The following BBS2 variants were observed in gnomAD, a reference collection of about 807,000 sequenced individuals.
BBS2 encodes Bardet-Biedl syndrome 2, also known as BBSome complex member BBS2.
In BBS2, 62 loss-of-function variants were observed where a neutral mutation model predicts 83.0. That is an observed-to-expected ratio of 0.75 (90% CI 0.61 to 0.92). The LOEUF is 0.92. Ranked by LOEUF, BBS2 falls within the 40% of genes least tolerant of loss-of-function variation. The probability of loss-of-function intolerance (pLI) is 0.00; values close to 1 mark genes in which losing one functional copy is unlikely to be tolerated. For synonymous variants in BBS2, 303 were observed against 326.1 expected (o/e 0.93, Z 0.76); for missense variants, 784 against 901.0 (o/e 0.87, Z 1.66).
chr16:56,487,072 T>C (rs1226388833), intron 15 of BBS2, among the ~76,000 whole-genome samples: 2 of 152,070 alleles, frequency 1.3e-5, no homozygotes, highest in East Asian at 1.9e-4. Flanking sequence ...GATAGAAATA[T>C]CCTATATCTC....
intron 17 of BBS2, chr16:56,477,167 G>T (rs1189280601): frequency 6.6e-6 from 1 of 152,080 alleles, no homozygotes; most frequent in Non-Finnish European, 1.5e-5. Context: ...AGTGATTGCA[G>T]AATTTTGTTC....
intron 5 of BBS2, among the ~76,000 whole-genome samples, chr16:56,507,430 C>T (rs1038074048): frequency 1.3e-5 from 2 of 152,164 alleles, no homozygotes; most frequent in Non-Finnish European, 2.9e-5. Flanking sequence ...AATTCAGTCT[C>T]CTCAAATCTA....
chr16:56,519,473 G>A (rs570566638), intron 1 of BBS2: 4 of 465,250 alleles, frequency 8.6e-6, no homozygotes, highest in South Asian at 2.7e-5. Flanking sequence ...TCCCTCAGGA[G>A]ACGTCTCTTT....
intron 1 of BBS2, among the ~76,000 whole-genome samples, chr16:56,515,713 A>T (rs1342531285): frequency 2.0e-5 from 3 of 152,272 alleles, no homozygotes; most frequent in African/African-American, 7.2e-5. Flanking sequence ...AAAAGAATTG[A>T]CTAAAAACAT....
chr16:56,490,677 C>T (rs1197807339), intron 15 of BBS2, among the ~76,000 whole-genome samples: 1 of 151,938 alleles, frequency 6.6e-6, no homozygotes, highest in African/African-American at 2.4e-5. Flanking sequence ...AAATGACTTA[C>T]ATTTTCTTAA....
At chr16:56,499,958 T>C in intron 11 of BBS2, 51 bp from the exon 12 acceptor site, 1 of 1,610,504 alleles carries the variant, frequency 6.2e-7, no homozygotes, top group Non-Finnish European at 8.5e-7. Context: ...AGAATGTTCT[T>C]TCAAAATGCA....
chr16:56,519,314 G>C lies in BBS2; in HGVS notation c.117+432C>G, dbSNP rs189886922. ...CCACTGCACTCCAGCCTGGGCGACA[G>C]GGCAAGACTCCGTCTCAAAAAAAAA... On this transcript the variant is annotated intron_variant, in intron 1 of 16. Transcript: ENST00000245157. Among the ~76,000 whole-genome samples the C allele has an allele frequency of 4.1e-4, 61 of 148,636 alleles. No homozygotes were observed. In the East Asian group the frequency reaches 0.01, roughly 25 times the overall value.
At chr16:56,513,142 ACT>A (rs1200138362) in intron 2 of BBS2, among the ~76,000 whole-genome samples, 2 of 152,160 alleles carry the variant, frequency 1.3e-5, no homozygotes, top group Non-Finnish European at 1.5e-5. Context: ...ACAGAGCAAG[ACT>A]CTGTCTCAGA....
chr16:56,482,101 G>C (rs2144087384), downstream of BBS2, among the ~76,000 whole-genome samples: 1 of 152,286 alleles, frequency 6.6e-6, no homozygotes, highest in Middle Eastern at 3.4e-3. Context: ...TTTAGCTAAA[G>C]AACAACAGAG....
At chr16:56,486,891 TAGGTGGGATTAC>T (rs1274698443) in intron 15 of BBS2, among the ~76,000 whole-genome samples, 1 of 151,468 alleles carries the variant, frequency 6.6e-6, no homozygotes, top group African/African-American at 2.4e-5. Context: ...GCCTCCTGAA[TAGGTGGGATTAC>T]AGGTACCCGC....
At chr16:56,511,094 T>G (rs1187454511) in intron 3 of BBS2, 65 bp downstream of exon 3, 3 of 1,605,774 alleles carry the variant, frequency 1.9e-6, no homozygotes, top group African/African-American at 1.3e-5. Flanking sequence ...GAGTTGGTGG[T>G]TAAAAAAGAA....
At position 56,484,399 on chromosome 16, in the gene BBS2, A is replaced by G. The variant is rs1165963349; in HGVS notation, c.*362T>C. 5.1e-6 allele frequency: 1 copy of G among 194,226 alleles called. No homozygotes were observed. The highest frequency in any genetic ancestry group is 1.1e-5 in the Non-Finnish European group (1 of 92,410). 12.0% of individuals were successfully genotyped at this position (194,226 alleles called of 1,614,324 possible). The stretch of plus-strand genomic sequence containing the variant: ...TCAACACAAAGTTTAACATCTTTAC[A>G]TTTTAATGAAAAAGTAGATAATCTA... On this transcript the variant is annotated 3_prime_UTR_variant, in exon 17 of 17. Transcript: ENST00000245157.
At chr16:56,499,010 G>T in intron 12 of BBS2, 1 of 284,744 alleles carries the variant, frequency 3.5e-6, no homozygotes, top group South Asian at 3.5e-5. Context: ...GTATACATGG[G>T]CAAACACCAC....
At chr16:56,516,419 C>T (rs1309107905) in intron 1 of BBS2, among the ~76,000 whole-genome samples, 7 of 152,088 alleles carry the variant, frequency 4.6e-5, no homozygotes, top group African/African-American at 1.2e-4. Context: ...TTTTTTGAGA[C>T]GGAGTCTTGC....
chr16:56,499,666 C>A, intron 12 of BBS2, 112 bp downstream of exon 12: 1 of 1,454,434 alleles, frequency 6.9e-7, no homozygotes, highest in Non-Finnish European at 9.6e-7. Context: ...TCTTTCATAT[C>A]ATATTTACTG....
In BBS2 at chr16:56,506,203, T is replaced by C. The variant is rs886052148; in HGVS notation, c.634A>G (p.Met212Val). The change falls in exon 6 of 17, where the codon ATG becomes GTG. Residue 212 changes from methionine (M) to valine (V), a missense_variant. By Grantham distance (21) the Met-to-Val change is conservative (BLOSUM62 1). Transcript: ENST00000245157. ...GCATAACCAAATCGACTGCCATACA[T>C]GGGACAAAGAGAGGTGACTATCTGC... Reference protein sequence around the residue: ...ETEIVTSLCPMYGSRFGYALS... With the variant: ...ETEIVTSLCPVYGSRFGYALS... The C allele has an allele frequency of 1.2e-6, 2 of 1,613,888 alleles. No homozygotes were observed. The highest frequency in any genetic ancestry group is 1.7e-6 in the Non-Finnish European group (2 of 1,179,860).
intron 16 of BBS2, 42 bp from the exon 17 acceptor site, chr16:56,484,909 A>G (rs1597001222): frequency 6.8e-7 from 1 of 1,469,502 alleles, no homozygotes; most frequent in Non-Finnish European, 9.5e-7. Context: ...ATTGTTAGAC[A>G]TGAAATTATA....
Position 56,484,771 on chromosome 16 carries a change from G to T in BBS2, c.2156C>A (p.Ala719Asp). 6.2e-7 allele frequency: 1 copy of T among 1,613,654 alleles called. No homozygotes were observed. Among genetic ancestry groups the T allele is most frequent in the Admixed American group, 1.7e-5 (1 of 60,018 alleles). ...TLFKIMRVGTASS is the reference protein window; with the variant it reads ...TLFKIMRVGTDSS ...CTGTATTTTCCTCACCTAGGAAGAA[G>T]CTGTCCCCACTCGCATGATTTTGAA... Residue 719 changes from alanine (A) to aspartate (D), a missense_variant, in exon 17 of 17, where the codon GCT becomes GAT. Ala to Asp is a moderately radical substitution (Grantham distance 126). Transcript: ENST00000245157.
downstream of BBS2, among the ~76,000 whole-genome samples, chr16:56,480,352 C>CAAAAAAAAAAAGAAA (rs1963633055): frequency 1.3e-5 from 1 of 76,592 alleles, no homozygotes; most frequent in Admixed American, 1.4e-4. Context: ...CACACACACA[C>CAAAAAAAAAAAGAAA]AAAAAAAAAA....
Sources: allele counts gnomAD v4.1 joint callset (sites outside exome capture counted in the v4.1 genomes callset), GRCh38; gene constraint gnomAD v4.1.1; transcripts MANE v1.5; gene names NCBI Gene and HGNC (gene_info 2026-07-23, HGNC 2026-07-21).